The following ZMAT1 variants were observed in gnomAD, a reference collection of about 807,000 sequenced individuals.
The protein encoded by ZMAT1 is zinc finger matrin-type protein 1.
In ZMAT1, 11 loss-of-function variants were observed where a neutral mutation model predicts 18.5. The ratio of observed to expected loss-of-function variants is 0.59; its 90% CI spans 0.37 to 0.98. ZMAT1 has a LOEUF of 0.98. Among genes scored for constraint, ZMAT1 ranks in the 50% least tolerant of loss-of-function variants. The pLI, the probability that ZMAT1 is intolerant of heterozygous loss-of-function variation, is 0.01. For synonymous variants in ZMAT1, 211 were observed against 176.4 expected (o/e 1.20, Z -1.55); for missense variants, 525 against 496.2 (o/e 1.06, Z -0.55).
In ZMAT1 at chrX:101,883,269, AG is replaced by A. The variant is rs1253249580; in HGVS notation, c.*240del. ...CACAGATTCTTGTCTTTTCTGTAAC[AG>A]GTTTCCTTTTCTCTTATGTTCTCCT... On this transcript the variant is annotated 3_prime_UTR_variant, in exon 6 of 6. Transcript: ENST00000651725. The A allele has an allele frequency of 1.9e-4, 49 of 262,874 alleles. No individual in the cohort carries two copies. Among genetic ancestry groups the A allele is most frequent in the African/African-American group, 1.4e-3 (47 of 34,802 alleles). The allele number at this position is 262,874 out of a possible 1,213,427, so 21.7% of individuals were successfully genotyped here.
chrX:101,931,993 T>G lies in ZMAT1; in HGVS notation c.16A>C (p.Ser6Arg), dbSNP rs979504728. Residue 6 changes from serine (S) to arginine (R), a missense_variant, in exon 1 of 6, where the codon AGC becomes CGC. By Grantham distance (110) the Ser-to-Arg change is moderately radical. Coordinates refer to ENST00000651725, the MANE Select transcript of ZMAT1 (RefSeq NM_001394560.1). ...TCCGCCGCCAGCGGGGTGACTGTGC[T>G]CGGCGCCGCCGCCATCGCAGCGAGG... MAAAPSTVTPLAAESS... is the reference protein window; with the variant it reads MAAAPRTVTPLAAESS... 1.3e-6 allele frequency: 1 copy of G among 767,137 alleles called. No individual in the cohort carries two copies. Among genetic ancestry groups the G allele is most frequent in the African/African-American group, 2.3e-5 (1 of 43,586 alleles). The allele number at this position is 767,137 out of a possible 1,213,427, so 63.2% of individuals were successfully genotyped here.
intron 1 of ZMAT1, among the ~76,000 whole-genome samples, chrX:101,931,236 A>T (rs7055212): frequency 9.0e-6 from 1 of 110,603 alleles, no homozygotes; most frequent in Non-Finnish European, 1.9e-5. Context: ...TGAACACCAA[A>T]GGGGGTTTAC....
chrX:101,883,843 A>C lies in ZMAT1; in HGVS notation c.1755T>G (p.Ala585=). 2.5e-6 allele frequency: 3 copies of C among 1,210,006 alleles called. No homozygotes were observed. The highest frequency in any genetic ancestry group is 3.4e-6 in the Non-Finnish European group (3 of 894,908). Residue 585 remains alanine (A), a synonymous_variant, in exon 6 of 6, where the codon GCT becomes GCG. Coordinates refer to ENST00000651725, the MANE Select transcript of ZMAT1 (RefSeq NM_001394560.1). ...YKHLSSENNT[A]DHQAGHKRKH... ...TCCGTTTATGACCTGCTTGATGGTC[A>C]GCAGTATTGTTTTCTGAAGAGAGGT... is the stretch of plus-strand genomic sequence containing the variant.
At chrX:101,907,606 C>G (rs1479134417) in intron 1 of ZMAT1, among the ~76,000 whole-genome samples, 1 of 112,007 alleles carries the variant, frequency 8.9e-6, no homozygotes, top group Middle Eastern at 4.2e-3. Flanking sequence ...AACGGTCTGA[C>G]AAAGATTCAA....
chrX:101,919,638 C>T (rs1929589176), intron 1 of ZMAT1, among the ~76,000 whole-genome samples: 1 of 111,690 alleles, frequency 9.0e-6, no homozygotes, highest in Non-Finnish European at 1.9e-5. Flanking sequence ...CAAGAAGGTA[C>T]AGTGTGCTCC....
chrX:101,884,458 C>A lies in ZMAT1; in HGVS notation c.1140G>T (p.Lys380Asn). The change falls in exon 6 of 6, where the codon AAG (lysine) becomes AAT (asparagine). Residue 380 changes from lysine (K) to asparagine (N), a missense_variant. Lys to Asn is a moderately conservative substitution (Grantham distance 94, BLOSUM62 0). Coordinates refer to ENST00000651725, the MANE Select transcript of ZMAT1 (RefSeq NM_001394560.1). ...TCTCTCTCATCTTTCTGAAACAAGTCTTTGGATCTAGTCCTCTGGCTTTCT... is the reference window on the plus strand; with the variant it reads ...TCTCTCTCATCTTTCTGAAACAAGTATTTGGATCTAGTCCTCTGGCTTTCT... ...KVQKARGLDPKTCFRKMRENS... is the reference protein window; with the variant it reads ...KVQKARGLDPNTCFRKMRENS... 8.3e-7 allele frequency: 1 copy of A among 1,207,586 alleles called. No individual in the cohort carries two copies.
intron 4 of ZMAT1, chrX:101,887,017 C>T (rs1927009636): frequency 5.6e-6 from 1 of 180,030 alleles, no homozygotes. Context: ...TATCTGTCTA[C>T]TTACTGTTGC....
rs746240252 is a variant in ZMAT1 at position 101,914,454 on chromosome X, A to C, written c.293-10124T>G. Among the ~76,000 whole-genome samples the C allele has an allele frequency of 3.6e-5, 4 of 111,654 alleles. No individual in the cohort carries two copies. In the East Asian group the frequency reaches 1.1e-3, roughly 31 times the overall value. ...CAACAAAATTGACAAACCATTAGCC[A>C]GACTACTAAGAAAAAAAGCAAGAAG... On this transcript the variant is annotated intron_variant, in intron 1 of 5. Coordinates refer to ENST00000651725, the MANE Select transcript of ZMAT1 (RefSeq NM_001394560.1).
chrX:101,926,194 T>G (rs985729308), intron 1 of ZMAT1, among the ~76,000 whole-genome samples: 2 of 112,037 alleles, frequency 1.8e-5, no homozygotes, highest in Non-Finnish European at 3.8e-5. Context: ...TACTAATAGC[T>G]CACATTCTAT....
chrX:101,895,263 AAGAATGATATAAC>A (rs1260980545), intron 4 of ZMAT1, among the ~76,000 whole-genome samples: 1 of 111,490 alleles, frequency 9.0e-6, no homozygotes, highest in African/African-American at 3.3e-5. Flanking sequence ...CATACTTAGT[AAGAATGATATAAC>A]CACATGATAT....
chrX:101,912,718 A>G (rs987987858), intron 1 of ZMAT1, among the ~76,000 whole-genome samples: 5 of 112,171 alleles, frequency 4.5e-5, no homozygotes, highest in African/African-American at 1.6e-4. Context: ...GCAGCCAGTT[A>G]CAGATTGGAA....
In ZMAT1 at chrX:101,909,946, G is replaced by A. The variant is rs767600586; in HGVS notation, c.293-5616C>T. 1.6e-4 allele frequency among the ~76,000 whole-genome samples: 18 copies of A among 112,095 alleles called. 1 individual carries two copies. The highest frequency in any genetic ancestry group is 1.1e-3 in the Admixed American group (12 of 10,665). On this transcript the variant is annotated intron_variant, in intron 1 of 5. Transcript: ENST00000651725. ...AGAAAACATAGGCAGTAGTAAGGGA[G>A]TGGTTACAATGGGCCTTAGGCAAGA... is the stretch of plus-strand genomic sequence containing the variant.
chrX:101,911,970 G>A (rs777075256), intron 1 of ZMAT1: 122 of 1,193,046 alleles, frequency 1.0e-4, no homozygotes, highest in Middle Eastern at 4.7e-4. Flanking sequence ...ACTCAGCACC[G>A]GAGGATCCAC....
intron 1 of ZMAT1, among the ~76,000 whole-genome samples, chrX:101,907,726 T>C: frequency 8.9e-6 from 1 of 112,367 alleles, no homozygotes; most frequent in Non-Finnish European, 1.9e-5. Context: ...ACTGAAATTA[T>C]ATTTTAAAAG....
rs185325925 is a variant in ZMAT1, at chrX:101,920,423, C to T, written c.292+11294G>A. 2.7e-5 allele frequency among the ~76,000 whole-genome samples: 3 copies of T among 111,257 alleles called. No individual in the cohort carries two copies. In the East Asian group the frequency reaches 8.4e-4, roughly 31 times the overall value. On this transcript the variant is annotated intron_variant, in intron 1 of 5. Coordinates refer to ENST00000651725, the MANE Select transcript of ZMAT1 (RefSeq NM_001394560.1). ...GCTTTGACTTTACATGAAACAAATTCGTCTACAATTGTCAATGCCAAATTC... is the reference window on the plus strand; with the variant it reads ...GCTTTGACTTTACATGAAACAAATTTGTCTACAATTGTCAATGCCAAATTC...
chrX:101,925,707 G>A (rs1930014577), intron 1 of ZMAT1, among the ~76,000 whole-genome samples: 1 of 112,666 alleles, frequency 8.9e-6, no homozygotes, highest in South Asian at 3.6e-4. Context: ...TAATCCAGAA[G>A]CTTTGCATTT....
rs374535710 is a variant in ZMAT1 at position 101,886,346 on chromosome X, A to G, written c.776+286T>C. Among the ~76,000 whole-genome samples the G allele has an allele frequency of 2.6e-4, 29 of 111,551 alleles. 3 individuals are homozygous for G. Among genetic ancestry groups the G allele is most frequent in the East Asian group, 2.0e-3 (7 of 3,491 alleles). ...CCTTCCAGAAATTCTCTGCATTTGT[A>G]TGGTTAGTGTGAGAGTGATCCTTTA... On this transcript the variant is annotated intron_variant, in intron 5 of 5. Transcript: ENST00000651725.
chrX:101,921,805 G>A (rs1929750306), intron 1 of ZMAT1, among the ~76,000 whole-genome samples: 1 of 111,152 alleles, frequency 9.0e-6, no homozygotes, highest in South Asian at 3.8e-4. Context: ...CAGCTCAGTA[G>A]TATTAAGTAT....
At chrX:101,896,205 CAT>C (rs1339711306) in intron 4 of ZMAT1, among the ~76,000 whole-genome samples, 1 of 111,922 alleles carries the variant, frequency 8.9e-6, no homozygotes, top group Non-Finnish European at 1.9e-5. Context: ...GAGGATAAAA[CAT>C]ATGATATTAA....
Sources: gnomAD v4.1 joint callset for allele counts (sites outside exome capture counted in the v4.1 genomes callset) on GRCh38, gnomAD v4.1.1 for gene constraint, MANE v1.5 for transcripts, NCBI Gene and HGNC (gene_info 2026-07-23, HGNC 2026-07-21) for gene names.